Variants in RBM15 observed in about 807,000 individuals in gnomAD.
The protein encoded by RBM15 is RNA-binding protein 15.
In RBM15, 8 loss-of-function variants were observed where a neutral mutation model predicts 62.6. That is an observed-to-expected ratio of 0.13 (90% CI 0.07 to 0.23). The LOEUF is 0.23. RBM15 is among the 10% of genes least tolerant of loss of function. The pLI is 1.00. For synonymous variants in RBM15, 606 were observed against 505.7 expected (o/e 1.20, Z -2.66); for missense variants, 1,144 against 1,286.5 (o/e 0.89, Z 1.69).
At chr1:110,342,431 G>T in intron 1 of RBM15, 163 bp downstream of exon 1, 1 of 531,684 alleles carries the variant, frequency 1.9e-6, no homozygotes, top group Non-Finnish European at 3.1e-6. Context: ...ATAGAAATCA[G>T]GACAGTTTAG....
chr1:110,345,139 G>A (rs1048306907), intron 1 of RBM15, among the ~76,000 whole-genome samples: 6 of 152,034 alleles, frequency 3.9e-5, no homozygotes, highest in African/African-American at 1.4e-4. Context: ...AATGTCCATC[G>A]CCTGGCTGGT....
At chr1:110,343,141 A>C (rs1196280499) in intron 1 of RBM15, among the ~76,000 whole-genome samples, 1 of 152,146 alleles carries the variant, frequency 6.6e-6, no homozygotes, top group African/African-American at 2.4e-5. Flanking sequence ...ATCAAAGATG[A>C]GTTTTTGTTT....
chr1:110,345,260 A>G (rs1488477561), intron 1 of RBM15, among the ~76,000 whole-genome samples: 2 of 152,202 alleles, frequency 1.3e-5, no homozygotes, highest in Admixed American at 6.5e-5. Flanking sequence ...TATTGCTTTC[A>G]GAGTCAGACA....
In RBM15 at chr1:110,339,725, G is replaced by T; in HGVS notation, c.320G>T (p.Gly107Val). The T allele has an allele frequency of 6.2e-7, 1 of 1,612,846 alleles. No homozygotes were observed. Among genetic ancestry groups the T allele is most frequent in the Non-Finnish European group, 8.5e-7 (1 of 1,179,800 alleles). ...CACCTGGACAAGTCCAGCAGTCGAG[G>T]TGGCAGCCGCGAGTATGATACCGGT... Reference protein sequence around the residue: ...SLHLDKSSSRGGSREYDTGGG... With the variant: ...SLHLDKSSSRVGSREYDTGGG... Residue 107 changes from glycine (G) to valine (V), a missense_variant, in exon 1 of 3, where the codon GGT becomes GTT. Physicochemically the swap from Gly to Val is moderately radical, Grantham distance 109. Transcript: ENST00000369784.
In RBM15 at chr1:110,339,889, G is replaced by A. The variant is rs1463287349; in HGVS notation, c.484G>A (p.Gly162Ser). The A allele has an allele frequency of 6.2e-7, 1 of 1,604,386 alleles. No homozygotes were observed. The highest frequency in any genetic ancestry group is 8.5e-7 in the Non-Finnish European group (1 of 1,172,126). Residue 162 changes from glycine (G) to serine (S), a missense_variant, in exon 1 of 3, where the codon GGC (glycine) becomes AGC (serine). Transcript: ENST00000369784. Reference sequence around the variant, plus strand: ...CTCTGGGGCCGCCTCCTCAGCTCCCGGCGGCGGGGACGGCGCGGAATACAA... The same window carrying A: ...CTCTGGGGCCGCCTCCTCAGCTCCCAGCGGCGGGGACGGCGCGGAATACAA... ...RSSGAASSAP[G>S]GGDGAEYKTL...
chr1:110,345,243 GT>G (rs1193672044), intron 1 of RBM15, among the ~76,000 whole-genome samples: 2 of 152,134 alleles, frequency 1.3e-5, no homozygotes, highest in Non-Finnish European at 2.9e-5. Context: ...AGAGTCAGGT[GT>G]TTGGTTATTG....
Position 110,340,646 on chromosome 1 carries a change from G to C in RBM15, c.1241G>C (p.Ser414Thr). 6.2e-7 allele frequency: 1 copy of C among 1,614,226 alleles called. No individual in the cohort carries two copies. The highest frequency in any genetic ancestry group is 1.1e-5 in the South Asian group (1 of 91,088). ...DIKRPSRGQT[S>T]TYGFLKFENL... ...AAGAGGCCTTCTCGCGGCCAGACTA[G>C]TACTTACGGCTTTCTCAAATTTGAG... Residue 414 changes from serine to threonine, a missense_variant, in exon 1 of 3, where the codon AGT (serine) becomes ACT (threonine). By Grantham distance (58) the Ser-to-Thr change is moderately conservative (BLOSUM62 1). Coordinates refer to ENST00000369784, the MANE Select transcript of RBM15 (RefSeq NM_022768.5). This position sits in a 1 kb window ranked among gnomAD's most constrained non-coding sequence, Gnocchi z 5.8.
Position 110,340,479 on chromosome 1 carries a change from C to T in RBM15, c.1074C>T (p.Phe358=). Residue 358 remains phenylalanine (F), a synonymous_variant, in exon 1 of 3, where the codon TTC becomes TTT. Coordinates refer to ENST00000369784, the MANE Select transcript of RBM15 (RefSeq NM_022768.5). The surrounding 1 kb of genome is among the most constrained non-coding windows in gnomAD (Gnocchi z 5.8). ...GAGCTGGAGCAGGTGCTGCTCCTTT[C>T]AGAGAAGTGGATGAGATTTCACCCG... ...RVGAGAGAAP[F]REVDEISPED... 2 of 1,614,090 alleles carry T rather than the reference C, an allele frequency of 1.2e-6. No homozygotes were observed. The highest frequency in any genetic ancestry group is 1.7e-6 in the Non-Finnish European group (2 of 1,180,010).
In RBM15 at chr1:110,339,923, A is replaced by G. The variant is rs750861441; in HGVS notation, c.518A>G (p.Lys173Arg). The G allele has an allele frequency of 7.2e-5, 116 of 1,613,654 alleles. 3 individuals carry two copies. In the South Asian group the frequency reaches 1.2e-3, roughly 17 times the overall value. Reference sequence around the variant, plus strand: ...GACGGCGCGGAATACAAGACTCTGAAGATAAGCGAGTTGGGGTCCCAGCTT... The same window carrying G: ...GACGGCGCGGAATACAAGACTCTGAGGATAAGCGAGTTGGGGTCCCAGCTT... ...GGDGAEYKTL[K>R]ISELGSQLSD... The change falls in exon 1 of 3, where the codon AAG becomes AGG. Residue 173 changes from lysine to arginine, a missense_variant. Lys to Arg is a conservative substitution (Grantham distance 26). Coordinates refer to ENST00000369784, the MANE Select transcript of RBM15 (RefSeq NM_022768.5).
rs1482532243 is a variant in RBM15 at position 110,341,567 on chromosome 1, A to G, written c.2162A>G (p.Asn721Ser). The change falls in exon 1 of 3, where the codon AAC becomes AGC. Residue 721 changes from asparagine to serine, a missense_variant. By Grantham distance (46) the Asn-to-Ser change is conservative. Coordinates refer to ENST00000369784, the MANE Select transcript of RBM15 (RefSeq NM_022768.5). This position sits in a 1 kb window ranked among gnomAD's most constrained non-coding sequence, Gnocchi z 4.5. ...KSQGDKRDRK[N>S]SASAERDRKH... ...CAGGGTGACAAGCGAGACCGTAAAA[A>G]CTCTGCATCAGCTGAACGAGATAGG... 6.2e-7 allele frequency: 1 copy of G among 1,613,804 alleles called. No homozygotes were observed. The highest frequency in any genetic ancestry group is 1.3e-5 in the African/African-American group (1 of 74,902).
rs1051309552 is a variant in RBM15, at chr1:110,346,612, C to G, written c.*345C>G. ...ACACAGCTTAAGAGTAGCTGTCTCTCAAACGTGCGCTCACAGTTGAGCTGC... is the reference window on the plus strand; with the variant it reads ...ACACAGCTTAAGAGTAGCTGTCTCTGAAACGTGCGCTCACAGTTGAGCTGC... On this transcript the variant is annotated 3_prime_UTR_variant, in exon 3 of 3. Coordinates refer to ENST00000369784, the MANE Select transcript of RBM15 (RefSeq NM_022768.5). 1.5e-5 allele frequency: 7 copies of G among 464,310 alleles called. No individual in the cohort carries two copies. Among genetic ancestry groups the G allele is most frequent in the African/African-American group, 1.2e-4 (6 of 49,950 alleles). The allele number at this position is 464,310 out of a possible 1,614,324, so 28.8% of individuals were successfully genotyped here.
In RBM15 at chr1:110,345,724, C is replaced by T. The variant is rs1236140130; in HGVS notation, c.*40+75C>T. Reference sequence around the variant, plus strand: ...TTAAACAGAGTTGAAAAGTGAGATTCCTGAAGTGTTCTTTGGCTGTTTAAC... The same window carrying T: ...TTAAACAGAGTTGAAAAGTGAGATTTCTGAAGTGTTCTTTGGCTGTTTAAC... On this transcript the variant is annotated intron_variant, in intron 2 of 2. Transcript: ENST00000369784. The T allele has an allele frequency of 5.9e-5, 51 of 861,040 alleles. 1 individual carries two copies. In the South Asian group the frequency reaches 9.4e-4, roughly 16 times the overall value. The allele number at this position is 861,040 out of a possible 1,614,324, so 53.3% of individuals were successfully genotyped here.
intron 1 of RBM15, among the ~76,000 whole-genome samples, chr1:110,343,828 A>C (rs1433256390): frequency 3.3e-5 from 5 of 152,204 alleles, no homozygotes; most frequent in Admixed American, 3.3e-4. Flanking sequence ...CAAAGCTGGT[A>C]GTTTTGAAAT....
In RBM15 at chr1:110,340,111, G is replaced by A; in HGVS notation, c.706G>A (p.Gly236Ser). 6.2e-7 allele frequency: 1 copy of A among 1,613,820 alleles called. No individual in the cohort carries two copies. The highest frequency in any genetic ancestry group is 8.5e-7 in the Non-Finnish European group (1 of 1,179,950). The change falls in exon 1 of 3, where the codon GGC becomes AGC. Residue 236 changes from glycine to serine, a missense_variant. Gly to Ser is a moderately conservative substitution (Grantham distance 56, BLOSUM62 0). This residue lies in a region of RBM15 where 188 missense variants were observed against 185.6 expected (regional missense o/e 1.01). Coordinates refer to ENST00000369784, the MANE Select transcript of RBM15 (RefSeq NM_022768.5). This position sits in a 1 kb window ranked among gnomAD's most constrained non-coding sequence, Gnocchi z 5.8. The stretch of plus-strand genomic sequence containing the variant: ...CGCGCGGGCGGCCAAGCATGCCAGA[G>A]GCCGCCTGGTGCTCTATGACCGGCC... ...EDARAAKHAR[G>S]RLVLYDRPLK...
Position 110,340,814 on chromosome 1 carries a change from C to T in RBM15, c.1409C>T (p.Ala470Val), listed in dbSNP as rs752499570. ...CTGGGACCTTGGGTTCCTCTTGCTGCCCTGGCACGAGAATTTGATCGATTT... is the reference window on the plus strand; with the variant it reads ...CTGGGACCTTGGGTTCCTCTTGCTGTCCTGGCACGAGAATTTGATCGATTT... ...GGLGPWVPLA[A>V]LAREFDRFGT... is the part of the protein sequence containing the mutation. Residue 470 changes from alanine (A) to valine (V), a missense_variant, in exon 1 of 3, where the codon GCC (alanine) becomes GTC (valine). Ala to Val is a moderately conservative substitution (Grantham distance 64, BLOSUM62 0). Around this residue, in one of 8 missense-constraint regions of RBM15, gnomAD observed 105 missense variants for 193.6 expected, o/e 0.54. Transcript: ENST00000369784. This position sits in a 1 kb window ranked among gnomAD's most constrained non-coding sequence, Gnocchi z 5.8. The T allele has an allele frequency of 1.2e-6, 2 of 1,614,184 alleles. No homozygotes were observed. The highest frequency in any genetic ancestry group is 1.7e-6 in the Non-Finnish European group (2 of 1,180,038).
At position 110,339,917 on chromosome 1, in the gene RBM15, C is replaced by G. The variant is rs1557890739; in HGVS notation, c.512C>G (p.Thr171Ser). 3 of 1,613,610 alleles carry G rather than the reference C, an allele frequency of 1.9e-6. No individual in the cohort carries two copies. Among genetic ancestry groups the G allele is most frequent in the Non-Finnish European group, 2.5e-6 (3 of 1,179,534 alleles). The change falls in exon 1 of 3, where the codon ACT becomes AGT. Residue 171 changes from threonine (T) to serine (S), a missense_variant. Thr to Ser is a moderately conservative substitution (Grantham distance 58). Coordinates refer to ENST00000369784, the MANE Select transcript of RBM15 (RefSeq NM_022768.5). ...GGCGGGGACGGCGCGGAATACAAGACTCTGAAGATAAGCGAGTTGGGGTCC... is the reference window on the plus strand; with the variant it reads ...GGCGGGGACGGCGCGGAATACAAGAGTCTGAAGATAAGCGAGTTGGGGTCC... ...PGGGDGAEYKTLKISELGSQL... is the reference protein window; with the variant it reads ...PGGGDGAEYKSLKISELGSQL...
chr1:110,341,720 G>C lies in RBM15; in HGVS notation c.2315G>C (p.Gly772Ala), dbSNP rs532284882. The C allele has an allele frequency of 1.9e-6, 3 of 1,614,154 alleles. No homozygotes were observed. Among genetic ancestry groups the C allele is most frequent in the Non-Finnish European group, 2.5e-6 (3 of 1,180,022 alleles). The change falls in exon 1 of 3, where the codon GGG (glycine) becomes GCG (alanine). Residue 772 changes from glycine to alanine, a missense_variant. By Grantham distance (60) the Gly-to-Ala change is moderately conservative. Transcript: ENST00000369784. This position sits in a 1 kb window ranked among gnomAD's most constrained non-coding sequence, Gnocchi z 4.5. ...KLKSPSQKQD[G>A]GTAPVASASP... is the part of the protein sequence containing the mutation. ...AAGTCCCCGTCCCAGAAACAGGATG[G>C]GGGGACAGCCCCTGTGGCATCAGCC...
At position 110,339,842 on chromosome 1, in the gene RBM15, G is replaced by T; in HGVS notation, c.437G>T (p.Gly146Val). 6.3e-7 allele frequency: 1 copy of T among 1,599,834 alleles called. No homozygotes were observed. The highest frequency in any genetic ancestry group is 8.5e-7 in the Non-Finnish European group (1 of 1,169,710). ...GGGESRSSSRGGGGESRSSGA... is the reference protein window; with the variant it reads ...GGGESRSSSRVGGGESRSSGA... The stretch of plus-strand genomic sequence containing the variant: ...GGCGAATCGCGCAGCAGCTCCCGGG[G>T]TGGAGGCGGGGAGTCACGTTCCTCT... The change falls in exon 1 of 3, where the codon GGT (glycine) becomes GTT (valine). Residue 146 changes from glycine to valine, a missense_variant. Gly to Val is a moderately radical substitution (Grantham distance 109). This residue lies in a region of RBM15 where 298 missense variants were observed against 250.0 expected (regional missense o/e 1.19). Coordinates refer to ENST00000369784, the MANE Select transcript of RBM15 (RefSeq NM_022768.5).
chr1:110,344,355 T>G (rs1056244269), intron 1 of RBM15, among the ~76,000 whole-genome samples: 2 of 152,348 alleles, frequency 1.3e-5, no homozygotes, highest in African/African-American at 4.8e-5. Flanking sequence ...CTAATTTTAC[T>G]GTCATCCAAA....
Sources: allele counts gnomAD v4.1 joint callset (sites outside exome capture counted in the v4.1 genomes callset), GRCh38; gene constraint gnomAD v4.1.1; regional missense constraint gnomAD v4.1.1; non-coding constraint Gnocchi (gnomAD v3.1); transcripts MANE v1.5; gene names NCBI Gene and HGNC (gene_info 2026-07-23, HGNC 2026-07-21).